Variants in FOXP1 observed in about 807,000 individuals in gnomAD.
FOXP1 encodes the protein forkhead box P1, also known as forkhead box protein P1.
FOXP1 carries 15 observed loss-of-function variants against 98.2 expected under a neutral mutation model. The observed-to-expected ratio is 0.15, with a 90% CI of 0.10 to 0.24. The LOEUF (loss-of-function observed/expected upper bound fraction) is 0.24, where lower values mean the gene tolerates loss of function less well. Ranked by LOEUF, FOXP1 falls within the 10% of genes least tolerant of loss-of-function variation. The pLI is 1.00. For synonymous variants in FOXP1, 371 were observed against 314.5 expected (o/e 1.18, Z -1.90); for missense variants, 633 against 848.5 (o/e 0.75, Z 3.15).
chr3:71,082,648 C>T (rs571393397), intron 7 of FOXP1, among the ~76,000 whole-genome samples: 8 of 149,210 alleles, frequency 5.4e-5, no homozygotes, highest in African/African-American at 2.0e-4. Context: ...AAGAAAACAA[C>T]AACAACAAAA....
intron 4 of FOXP1, among the ~76,000 whole-genome samples, chr3:71,328,994 A>C (rs1020980508): frequency 1.6e-4 from 24 of 148,266 alleles, no homozygotes; most frequent in African/African-American, 5.4e-4. Flanking sequence ...AAAAAACAAA[A>C]AAAAAAAAAC....
chr3:71,209,554 TG>T (rs2064299690), intron 5 of FOXP1, among the ~76,000 whole-genome samples: 1 of 152,204 alleles, frequency 6.6e-6, no homozygotes, highest in African/African-American at 2.4e-5. Flanking sequence ...AATAATCAGT[TG>T]ATGTCCCATG....
chr3:71,496,791 G>A (rs1003654633), intron 2 of FOXP1, among the ~76,000 whole-genome samples: 17 of 152,044 alleles, frequency 1.1e-4, no homozygotes, highest in Non-Finnish European at 2.2e-4. Flanking sequence ...TGGCGACAGA[G>A]CAAGACTCTG....
rs2108379780 is a variant in FOXP1, at chr3:71,198,194, C to T, written c.180+8G>A. ...ACCTCCACCTCCCAAGACTCCAAAG[C>T]CCAGTACCTGTTGCTGCTGCTGCTG... On this transcript the variant is annotated splice_region_variant and intron_variant, in intron 6 of 20. Transcript: ENST00000649528. 6.2e-7 allele frequency: 1 copy of T among 1,614,080 alleles called. No homozygotes were observed. Among genetic ancestry groups the T allele is most frequent in the South Asian group, 1.1e-5 (1 of 91,084 alleles).
chr3:71,497,727 C>A (rs532375569), intron 2 of FOXP1, among the ~76,000 whole-genome samples: 1 of 152,188 alleles, frequency 6.6e-6, no homozygotes, highest in African/African-American at 2.4e-5. Context: ...ATTCAGTGAA[C>A]CCCCAGGGGC....
intron 5 of FOXP1, among the ~76,000 whole-genome samples, chr3:71,243,860 T>G (rs2067497550): frequency 6.6e-6 from 1 of 152,132 alleles, no homozygotes; most frequent in East Asian, 1.9e-4. Flanking sequence ...CACAATTAGT[T>G]AAAAACAGTA....
intron 17 of FOXP1, among the ~76,000 whole-genome samples, chr3:70,976,401 C>T (rs1435780288): frequency 3.3e-5 from 5 of 152,170 alleles, no homozygotes; most frequent in African/African-American, 4.8e-5. Flanking sequence ...AAAACCCCTG[C>T]CCCTTAATAA....
intron 6 of FOXP1, among the ~76,000 whole-genome samples, chr3:71,143,248 T>G (rs923126443): frequency 6.6e-6 from 1 of 152,246 alleles, no homozygotes; most frequent in Non-Finnish European, 1.5e-5. Context: ...CTAATAATGA[T>G]CAGGACACAA....
chr3:71,345,871 T>TAAAAAAAAAGAAAAAAAAA (rs2077315021), intron 4 of FOXP1, among the ~76,000 whole-genome samples: 1 of 55,096 alleles, frequency 1.8e-5, no homozygotes, highest in Non-Finnish European at 3.4e-5. Context: ...AAAGTTTTTG[T>TAAAAAAAAAGAAAAAAAAA]AAAAAAAAAA....
rs2108380852 is a variant in FOXP1 at position 71,198,254 on chromosome 3, G to C, written c.128C>G (p.Ala43Gly). ...REGRSNGETP[A>G]VDIGAADLAH... ...GAGGTCAGCTGCCCCGATGTCCACG[G>C]CCGGCGTCTCTCCGTTGGACCGCCC... Residue 43 changes from alanine (A) to glycine (G), a missense_variant, in exon 6 of 21, where the codon GCC (alanine) becomes GGC (glycine). Ala to Gly is a moderately conservative substitution (Grantham distance 60). Transcript: ENST00000649528. 1.2e-6 allele frequency: 2 copies of C among 1,614,122 alleles called. No individual in the cohort carries two copies. Among genetic ancestry groups the C allele is most frequent in the South Asian group, 2.2e-5 (2 of 91,090 alleles).
intron 2 of FOXP1, among the ~76,000 whole-genome samples, chr3:71,510,118 T>G (rs1288551796): frequency 1.6e-5 from 2 of 121,654 alleles, no homozygotes. Context: ...GAGGCGGAGG[T>G]TGTAGTGAGC....
At chr3:70,979,605 T>C (rs971915822) in intron 14 of FOXP1, among the ~76,000 whole-genome samples, 2 of 151,870 alleles carry the variant, frequency 1.3e-5, no homozygotes, top group African/African-American at 2.4e-5. Context: ...TCACTTACCA[T>C]AGTAAGTCTA....
chr3:71,532,297 G>A (rs1336980609), intron 2 of FOXP1, among the ~76,000 whole-genome samples: 1 of 152,054 alleles, frequency 6.6e-6, no homozygotes, highest in African/African-American at 2.4e-5. Flanking sequence ...GGGTTTTGCC[G>A]TATTGCCCAG....
At chr3:71,046,170 A>G (rs2049011917) in intron 10 of FOXP1, among the ~76,000 whole-genome samples, 1 of 152,096 alleles carries the variant, frequency 6.6e-6, no homozygotes, top group African/African-American at 2.4e-5. Flanking sequence ...CACATTACAT[A>G]TGTGAAAGTC....
At chr3:71,524,590 A>C (rs1397015551) in intron 2 of FOXP1, among the ~76,000 whole-genome samples, 2 of 152,034 alleles carry the variant, frequency 1.3e-5, no homozygotes, top group Non-Finnish European at 2.9e-5. Flanking sequence ...GTTTAAAGAC[A>C]CAAGGAGTAA....
chr3:70,995,779 T>C (rs987594653), intron 13 of FOXP1, among the ~76,000 whole-genome samples: 16 of 152,158 alleles, frequency 1.1e-4, no homozygotes, highest in Non-Finnish European at 2.4e-4. Flanking sequence ...ATAAGACCAG[T>C]AGAAGGTTGC....
chr3:71,537,055 A>G (rs1322807611), intron 2 of FOXP1, among the ~76,000 whole-genome samples: 5 of 152,178 alleles, frequency 3.3e-5, no homozygotes, highest in Non-Finnish European at 7.4e-5. Context: ...ACTGAGGCCA[A>G]GCGAGCCAGC....
In FOXP1 at chr3:71,022,141, G is replaced by A. The variant is rs545240058; in HGVS notation, c.870-6488C>T. Among the ~76,000 whole-genome samples the A allele has an allele frequency of 2.7e-3, 413 of 152,226 alleles. 2 individuals carry two copies. The highest frequency in any genetic ancestry group is 0.01 in the Middle Eastern group (3 of 294). ...TTAAGTTAATTTTTGCATATGATAT[G>A]AGTCAGGGGTCCAAGTTCATTTTTT... On this transcript the variant is annotated intron_variant, in intron 11 of 20. Coordinates refer to ENST00000649528, the MANE Select transcript of FOXP1 (RefSeq NM_001349338.3).
chr3:71,205,632 G>A (rs960735033), intron 5 of FOXP1, among the ~76,000 whole-genome samples: 1 of 152,088 alleles, frequency 6.6e-6, no homozygotes, highest in African/African-American at 2.4e-5. Flanking sequence ...GTGAGGAGTC[G>A]GGCCTCCCCA....
Sources: gnomAD v4.1 joint callset for allele counts (sites outside exome capture counted in the v4.1 genomes callset) on GRCh38, gnomAD v4.1.1 for gene constraint, MANE v1.5 for transcripts, NCBI Gene and HGNC (gene_info 2026-07-23, HGNC 2026-07-21) for gene names.